SH3RF2: variants seen among roughly 807,000 people sequenced by gnomAD.
SH3RF2 encodes SH3 domain containing ring finger 2, also known as E3 ubiquitin-protein ligase SH3RF2.
Under a neutral mutation model 59.0 loss-of-function variants are expected in SH3RF2, and 43 were observed. That is an observed-to-expected ratio of 0.73 (90% CI 0.57 to 0.94). The LOEUF (loss-of-function observed/expected upper bound fraction) is 0.94, where lower values mean the gene tolerates loss of function less well. Among genes scored for constraint, SH3RF2 ranks in the 40% least tolerant of loss-of-function variants. The pLI, the probability that SH3RF2 is intolerant of heterozygous loss-of-function variation, is 0.00. For missense variants in SH3RF2, 930 were observed against 940.1 expected, an observed-to-expected ratio of 0.99 and a Z score of 0.14; for synonymous variants, 391 against 391.5, an observed-to-expected ratio of 1.00 and a Z score of 0.01.
At chr5:145,945,406 A>G (rs1018752019) in intron 2 of SH3RF2, among the ~76,000 whole-genome samples, 3 of 152,248 alleles carry the variant, frequency 2.0e-5, no homozygotes, top group Admixed American at 6.5e-5. Flanking sequence ...TATGTAAATT[A>G]TAACCCCATA....
At chr5:146,039,018 A>G (rs1762037910) in intron 5 of SH3RF2, among the ~76,000 whole-genome samples, 1 of 152,232 alleles carries the variant, frequency 6.6e-6, no homozygotes, top group Admixed American at 6.5e-5. Flanking sequence ...GACACAGCAT[A>G]GAGGCTTGAT....
At chr5:145,966,697 A>G (rs1170987134) in intron 2 of SH3RF2, among the ~76,000 whole-genome samples, 1 of 152,194 alleles carries the variant, frequency 6.6e-6, no homozygotes, top group Non-Finnish European at 1.5e-5. Flanking sequence ...AAGAGATGAT[A>G]AGAAGAATAC....
intron 5 of SH3RF2, among the ~76,000 whole-genome samples, chr5:146,042,762 T>C (rs1269635679): frequency 6.6e-6 from 1 of 152,226 alleles, no homozygotes; most frequent in Admixed American, 6.5e-5. Flanking sequence ...TAACTGTGGA[T>C]TCTGCTGTGG....
At chr5:145,993,009 G>A (rs1760012005) in intron 2 of SH3RF2, among the ~76,000 whole-genome samples, 1 of 152,112 alleles carries the variant, frequency 6.6e-6, no homozygotes, top group African/African-American at 2.4e-5. Context: ...TCAAAAGCAG[G>A]TTAGTAACTT....
chr5:145,937,617 T>G (rs1561698310), intron 1 of SH3RF2, among the ~76,000 whole-genome samples: 1 of 152,138 alleles, frequency 6.6e-6, no homozygotes, highest in Non-Finnish European at 1.5e-5. Context: ...CAGTCAGTCT[T>G]GTGCTGAATG....
intron 2 of SH3RF2, among the ~76,000 whole-genome samples, chr5:145,995,548 C>T (rs1045941366): frequency 6.6e-6 from 1 of 152,178 alleles, no homozygotes; most frequent in African/African-American, 2.4e-5. Flanking sequence ...GCTTGGCTTA[C>T]TTTCTAAATT....
intron 2 of SH3RF2, among the ~76,000 whole-genome samples, chr5:145,965,384 A>C (rs553762090): frequency 6.6e-6 from 1 of 152,078 alleles, no homozygotes; most frequent in South Asian, 2.1e-4. Flanking sequence ...CTGGGGCTTT[A>C]TTAGGCCCAG....
chr5:146,055,751 G>GC lies in SH3RF2; in HGVS notation c.1323-224dup, dbSNP rs1016537686. On this transcript the variant is annotated intron_variant, in intron 7 of 9. Transcript: ENST00000359120. ...TAGCTCCACCAAGGCCTTGATATGA[G>GC]CCCCCCTTCCTTCCCTCAGCACACC... is the stretch of plus-strand genomic sequence containing the variant. 2.4e-5 allele frequency: 14 copies of GC among 573,572 alleles called. No individual in the cohort carries two copies. The Admixed American group carries it at 2.5e-4, about 10-fold the overall frequency. 35.5% of individuals were successfully genotyped at this position (573,572 alleles called of 1,614,324 possible).
intron 2 of SH3RF2, among the ~76,000 whole-genome samples, chr5:145,977,530 C>T (rs1759340389): frequency 1.3e-5 from 2 of 152,194 alleles, no homozygotes; most frequent in African/African-American, 2.4e-5. Context: ...ACCACATTAG[C>T]CCCATGGTAA....
chr5:145,937,596 T>C (rs561438701), intron 1 of SH3RF2, among the ~76,000 whole-genome samples: 15 of 152,288 alleles, frequency 9.8e-5, no homozygotes, highest in African/African-American at 3.4e-4. Context: ...CCTGTCCACA[T>C]AGGCAATAAG....
At chr5:145,949,117 T>C (rs1758100055) in intron 2 of SH3RF2, among the ~76,000 whole-genome samples, 1 of 152,152 alleles carries the variant, frequency 6.6e-6, no homozygotes, top group Non-Finnish European at 1.5e-5. Flanking sequence ...GCCTTGTTGA[T>C]GAGGGTGTTG....
intron 4 of SH3RF2, 95 bp downstream of exon 4, chr5:146,004,248 G>A: frequency 1.1e-6 from 1 of 947,718 alleles, no homozygotes; most frequent in Non-Finnish European, 1.6e-6. Flanking sequence ...TTGCTATGAG[G>A]CTTATTTCAG....
intron 5 of SH3RF2, among the ~76,000 whole-genome samples, chr5:146,027,399 C>G (rs982315623): frequency 6.6e-6 from 1 of 152,332 alleles, no homozygotes; most frequent in Middle Eastern, 3.4e-3. Context: ...CATTGTGAAT[C>G]CTAGTTGCCA....
At chr5:146,013,026 G>T (rs979519455) in intron 4 of SH3RF2, among the ~76,000 whole-genome samples, 3 of 151,966 alleles carry the variant, frequency 2.0e-5, no homozygotes, top group Admixed American at 6.6e-5. Flanking sequence ...AAGAGATATA[G>T]AACAAGGAAG....
At chr5:146,000,593 G>A (rs942638925) in intron 3 of SH3RF2, among the ~76,000 whole-genome samples, 2 of 152,260 alleles carry the variant, frequency 1.3e-5, no homozygotes, top group Non-Finnish European at 2.9e-5. Context: ...ATAGAAGTCT[G>A]TAAGCCTTTT....
Position 146,013,665 on chromosome 5 carries a change from C to T in SH3RF2, c.745-82C>T. On this transcript the variant is annotated intron_variant, in intron 4 of 9. Coordinates refer to ENST00000359120, the MANE Select transcript of SH3RF2 (RefSeq NM_152550.4). The stretch of plus-strand genomic sequence containing the variant: ...ACTGAGGAGGTGGCACCTGACCTGG[C>T]TTCAGATGTACATGGGTAGGAACTG... 5 of 1,510,142 alleles carry T rather than the reference C, an allele frequency of 3.3e-6. No individual in the cohort carries two copies. The South Asian group carries it at 6.0e-5, about 18-fold the overall frequency. The allele number at this position is 1,510,142 out of a possible 1,614,324, so 93.5% of individuals were successfully genotyped here.
intron 3 of SH3RF2, among the ~76,000 whole-genome samples, chr5:146,001,287 A>T (rs1760398174): frequency 6.6e-6 from 1 of 152,240 alleles, no homozygotes; most frequent in South Asian, 2.1e-4. Context: ...ACTACTCGTG[A>T]TAAGTAGATC....
chr5:146,057,101 C>T (rs1414127746), intron 8 of SH3RF2, among the ~76,000 whole-genome samples: 1 of 152,222 alleles, frequency 6.6e-6, no homozygotes. Flanking sequence ...CTAAGCTCTG[C>T]GATCTCTCTT....
At chr5:146,064,840 G>GAAAT, downstream of SH3RF2, among the ~76,000 whole-genome samples, 3 of 14,630 alleles carry the variant, frequency 2.1e-4, no homozygotes, top group Non-Finnish European at 0.011. Context: ...AAGAAAGAAA[G>GAAAT]AAAGAAAGAA....
Sources: gnomAD v4.1 joint callset for allele counts (sites outside exome capture counted in the v4.1 genomes callset) on GRCh38, gnomAD v4.1.1 for gene constraint, MANE v1.5 for transcripts, NCBI Gene and HGNC (gene_info 2026-07-23, HGNC 2026-07-21) for gene names.